ERG28: variants seen among roughly 807,000 people sequenced by gnomAD.
ERG28 encodes ergosterol biosynthetic protein 28 homolog.
In ERG28, 9 loss-of-function variants were observed where a neutral mutation model predicts 15.7. That is an observed-to-expected ratio of 0.57 (90% CI 0.35 to 1.00). The LOEUF (loss-of-function observed/expected upper bound fraction) is 1.00, where lower values mean the gene tolerates loss of function less well. Ranked by LOEUF, ERG28 falls within the 50% of genes least tolerant of loss-of-function variation. The pLI is 0.02. For synonymous variants in ERG28, 61 were observed against 68.4 expected (o/e 0.89, Z 0.53); for missense variants, 117 against 173.3 (o/e 0.68, Z 1.82).
intron 1 of ERG28, among the ~76,000 whole-genome samples, chr14:75,659,828 T>G (rs1448065686): frequency 6.6e-6 from 1 of 151,654 alleles, no homozygotes; most frequent in Admixed American, 6.6e-5. Flanking sequence ...GGACAGATAT[T>G]AAAGTCAGCA....
rs887397367 is a variant in ERG28 at position 75,650,769 on chromosome 14, CCTGTGTCATGAG to C, written c.*774_*785del. ...AAGGAGCCGGAGGCAGCCAGGCTGA[CCTGTGTCATGAG>C]CTGTCCTACTCACTATGGTGTATTC... On this transcript the variant is annotated 3_prime_UTR_variant, in exon 5 of 5. Transcript: ENST00000256319. The C allele has an allele frequency of 1.3e-5, 2 of 152,460 alleles. No individual in the cohort carries two copies. Among genetic ancestry groups the C allele is most frequent in the African/African-American group, 4.8e-5 (2 of 41,452 alleles). 9.4% of individuals were successfully genotyped at this position (152,460 alleles called of 1,614,324 possible). A position where few individuals can be genotyped will look rare whatever the true frequency, so the allele number is the denominator to read the frequency against.
Position 75,650,855 on chromosome 14 carries a change from T to C in ERG28, c.*700A>G, listed in dbSNP as rs1445761062. On this transcript the variant is annotated 3_prime_UTR_variant, in exon 5 of 5. Transcript: ENST00000256319. ...TCCTAGGGCTCAGAGGAGGCAGCCATGCTCTTGTCTTAGCAGAGGTCAAAG... is the reference window on the plus strand; with the variant it reads ...TCCTAGGGCTCAGAGGAGGCAGCCACGCTCTTGTCTTAGCAGAGGTCAAAG... 6.6e-6 allele frequency: 1 copy of C among 152,420 alleles called. No homozygotes were observed. The highest frequency in any genetic ancestry group is 1.5e-5 in the Non-Finnish European group (1 of 68,144). The allele number at this position is 152,420 out of a possible 1,614,324, so 9.4% of individuals were successfully genotyped here.
chr14:75,653,706 T>C (rs1890560590), intron 3 of ERG28, among the ~76,000 whole-genome samples: 1 of 152,164 alleles, frequency 6.6e-6, no homozygotes, highest in East Asian at 1.9e-4. Context: ...CAATTCTTCA[T>C]TGTGGTACAG....
rs1432743736 is a variant in ERG28, at chr14:75,651,834, CAGAG to C, written c.276_279del (p.Glu94CysfsTer17). The C allele has an allele frequency of 6.2e-7, 1 of 1,614,014 alleles. No individual in the cohort carries two copies. Among genetic ancestry groups the C allele is most frequent in the Non-Finnish European group, 8.5e-7 (1 of 1,180,002 alleles). On this transcript the variant is annotated frameshift_variant, in exon 4 of 5. Coordinates refer to ENST00000256319, the MANE Select transcript of ERG28 (RefSeq NM_007176.4). LOFTEE classifies it high-confidence loss of function. Reference sequence around the variant, plus strand: ...GCTGCAGTTCCATAGACAAACAACTCAGAGAGGAAATGCCCCAGGGCAAGGAGGA... The same window carrying C: ...GCTGCAGTTCCATAGACAAACAACTCAGGAAATGCCCCAGGGCAAGGAGGA...
intron 3 of ERG28, 61 bp from the exon 4 acceptor site, chr14:75,651,950 G>C (rs1441573758): frequency 7.0e-7 from 1 of 1,425,044 alleles, no homozygotes; most frequent in Admixed American, 1.7e-5. Flanking sequence ...CAGAGGAAAA[G>C]TATCAGACTT....
At chr14:75,652,395 C>T (rs1328635945) in intron 3 of ERG28, among the ~76,000 whole-genome samples, 1 of 152,134 alleles carries the variant, frequency 6.6e-6, no homozygotes, top group Non-Finnish European at 1.5e-5. Flanking sequence ...TTGCAATATA[C>T]GTTGGTTACT....
chr14:75,650,481 G>A lies in ERG28; in HGVS notation c.*1074C>T, dbSNP rs551426875. The A allele has an allele frequency of 1.3e-5, 2 of 152,356 alleles. No homozygotes were observed. The highest frequency in any genetic ancestry group is 1.3e-4 in the Admixed American group (2 of 15,302). The allele number at this position is 152,356 out of a possible 1,614,324, so 9.4% of individuals were successfully genotyped here. ...TGTGTATGAGGGTCCAGCTGGGGGA[G>A]GCCCTCTGGGTAGGGTTTAAGAGCA... On this transcript the variant is annotated 3_prime_UTR_variant, in exon 5 of 5. Transcript: ENST00000256319.
intron 1 of ERG28, among the ~76,000 whole-genome samples, chr14:75,659,909 G>A (rs1895009102): frequency 2.0e-5 from 3 of 146,724 alleles, no homozygotes; most frequent in Non-Finnish European, 4.5e-5. Flanking sequence ...GCAATAAAGA[G>A]ATCTAGAGAA....
At chr14:75,657,659 C>T (rs1890615827) in intron 1 of ERG28, 126 bp from the exon 2 acceptor site, 5 of 796,354 alleles carry the variant, frequency 6.3e-6, no homozygotes, top group East Asian at 2.7e-5. Context: ...GGTGAATGAA[C>T]AGTATACTTT....
At chr14:75,657,258 T>G in intron 2 of ERG28, 112 bp downstream of exon 2, 1 of 1,327,836 alleles carries the variant, frequency 7.5e-7, no homozygotes, top group Non-Finnish European at 1.0e-6. Context: ...TGGGTACCTG[T>G]GTTTGTTGAC....
chr14:75,655,500 T>TA (rs1890585625), intron 2 of ERG28, among the ~76,000 whole-genome samples: 1 of 152,230 alleles, frequency 6.6e-6, no homozygotes, highest in Non-Finnish European at 1.5e-5. Flanking sequence ...GATGAACCAA[T>TA]ACCAGGTTGG....
In ERG28 at chr14:75,654,983, A is replaced by T; in HGVS notation, c.134-7T>A. 1 of 1,609,644 alleles carries T rather than the reference A, an allele frequency of 6.2e-7. No individual in the cohort carries two copies. Among genetic ancestry groups the T allele is most frequent in the Non-Finnish European group, 8.5e-7 (1 of 1,175,924 alleles). ...CGAGCTTGGAGGCCATTCACTGTGTAGCAGAAAAAAGCAAGAGTGTTCAGA... is the reference window on the plus strand; with the variant it reads ...CGAGCTTGGAGGCCATTCACTGTGTTGCAGAAAAAAGCAAGAGTGTTCAGA... On this transcript the variant is annotated splice_region_variant and splice_polypyrimidine_tract_variant and intron_variant, in intron 2 of 4. Transcript: ENST00000256319.
chr14:75,651,278 A>G lies in ERG28; in HGVS notation c.*277T>C, dbSNP rs1332852380. 4 of 278,126 alleles carry G rather than the reference A, an allele frequency of 1.4e-5. No individual in the cohort carries two copies. The highest frequency in any genetic ancestry group is 2.7e-5 in the Non-Finnish European group (4 of 146,694). 17.2% of individuals were successfully genotyped at this position (278,126 alleles called of 1,614,324 possible). On this transcript the variant is annotated 3_prime_UTR_variant, in exon 5 of 5. Coordinates refer to ENST00000256319, the MANE Select transcript of ERG28 (RefSeq NM_007176.4). ...AGGGAGCCTGGAAGAGGTTGCAGGTAGGGGAAGGAGACACAGTGGGCTTCC... is the reference window on the plus strand; with the variant it reads ...AGGGAGCCTGGAAGAGGTTGCAGGTGGGGGAAGGAGACACAGTGGGCTTCC...
At position 75,651,335 on chromosome 14, in the gene ERG28, G is replaced by A. The variant is rs949455432; in HGVS notation, c.*220C>T. The A allele has an allele frequency of 5.7e-5, 23 of 405,596 alleles. No homozygotes were observed. Among genetic ancestry groups the A allele is most frequent in the African/African-American group, 4.0e-4 (20 of 50,226 alleles). 25.1% of individuals were successfully genotyped at this position (405,596 alleles called of 1,614,324 possible). A position where few individuals can be genotyped will look rare whatever the true frequency, so the allele number is the denominator to read the frequency against. ...CTGGCAATTTCTTGACTTGGATGGA[G>A]TTACGTAGTATTCACTTTAAAATTA... On this transcript the variant is annotated 3_prime_UTR_variant, in exon 5 of 5. Transcript: ENST00000256319.
intron 1 of ERG28, among the ~76,000 whole-genome samples, chr14:75,658,519 T>A (rs1210984025): frequency 3.3e-5 from 5 of 152,180 alleles, no homozygotes; most frequent in African/African-American, 2.4e-5. Context: ...TTTCTCCAGA[T>A]AAGACCACCA....
chr14:75,653,645 G>A (rs913937276), intron 3 of ERG28, among the ~76,000 whole-genome samples: 2 of 151,194 alleles, frequency 1.3e-5, no homozygotes, highest in Non-Finnish European at 2.9e-5. Flanking sequence ...GGTTGTCTTC[G>A]CTCACTTCAA....
Position 75,651,839 on chromosome 14 carries a change from A to G in ERG28, c.275T>C (p.Leu92Pro). The G allele has an allele frequency of 1.2e-6, 2 of 1,614,172 alleles. No homozygotes were observed. Among genetic ancestry groups the G allele is most frequent in the Non-Finnish European group, 1.7e-6 (2 of 1,179,990 alleles). ...WTFLLALGHF[L>P]SELFVYGTAA... ...AGTTCCATAGACAAACAACTCAGAGAGGAAATGCCCCAGGGCAAGGAGGAA... is the reference window on the plus strand; with the variant it reads ...AGTTCCATAGACAAACAACTCAGAGGGGAAATGCCCCAGGGCAAGGAGGAA... Residue 92 changes from leucine to proline, a missense_variant, in exon 4 of 5, where the codon CTC (leucine) becomes CCC (proline). By Grantham distance (98) the Leu-to-Pro change is moderately conservative. Coordinates refer to ENST00000256319, the MANE Select transcript of ERG28 (RefSeq NM_007176.4).
At chr14:75,656,982 A>G (rs1246160254) in intron 2 of ERG28, among the ~76,000 whole-genome samples, 1 of 150,708 alleles carries the variant, frequency 6.6e-6, no homozygotes, top group Non-Finnish European at 1.5e-5. Context: ...TCACAGAGTC[A>G]CCAAGTAAGT....
chr14:75,652,175 C>T (rs1341936522), intron 3 of ERG28, among the ~76,000 whole-genome samples: 2 of 152,184 alleles, frequency 1.3e-5, no homozygotes, highest in African/African-American at 2.4e-5. Context: ...AAAGCAGAGC[C>T]TGAATGATGA....
Sources: allele counts gnomAD v4.1 joint callset (sites outside exome capture counted in the v4.1 genomes callset), GRCh38; gene constraint gnomAD v4.1.1; transcripts MANE v1.5; gene names NCBI Gene and HGNC (gene_info 2026-07-23, HGNC 2026-07-21).